TNFSF13B: variants seen among roughly 807,000 people sequenced by gnomAD.
TNFSF13B encodes the protein tumor necrosis factor ligand superfamily member 13B.
Under a neutral mutation model 29.1 loss-of-function variants are expected in TNFSF13B, and 8 were observed. The observed-to-expected ratio is 0.27, with a 90% confidence interval of 0.16 to 0.50. The LOEUF (loss-of-function observed/expected upper bound fraction) is 0.50, where lower values mean the gene tolerates loss of function less well. Among genes scored for constraint, TNFSF13B ranks in the 20% least tolerant of loss-of-function variants. The probability of loss-of-function intolerance (pLI) is 0.98; values close to 1 mark genes in which losing one functional copy is unlikely to be tolerated. For synonymous variants in TNFSF13B, 125 were observed against 130.8 expected, an observed-to-expected ratio of 0.96 and a Z score of 0.30; for missense variants, 248 against 334.9, an observed-to-expected ratio of 0.74 and a Z score of 2.03.
chr13:108,272,431 T>A lies in TNFSF13B; in HGVS notation c.424+2007T>A, dbSNP rs138552608. Among the ~76,000 whole-genome samples, 4 of 152,254 alleles carry A rather than the reference T, an allele frequency of 2.6e-5. No individual in the cohort carries two copies. The East Asian group carries it at 7.7e-4, about 29-fold the overall frequency. On this transcript the variant is annotated intron_variant, in intron 2 of 5. Coordinates refer to ENST00000375887, the MANE Select transcript of TNFSF13B (RefSeq NM_006573.5). ...TTAAAGCTAAAAATACATTTGTTCA[T>A]GTTTTCTTAAGTAGTTGACTCCCTG...
intron 3 of TNFSF13B, among the ~76,000 whole-genome samples, chr13:108,287,887 T>C (rs981267600): frequency 3.3e-5 from 5 of 152,328 alleles, no homozygotes; most frequent in Admixed American, 3.3e-4. Context: ...GAAACAACTT[T>C]TAATGTCATT....
At chr13:108,288,879 T>C (rs541368024) in intron 3 of TNFSF13B, among the ~76,000 whole-genome samples, 42 of 152,258 alleles carry the variant, frequency 2.8e-4, no homozygotes, top group African/African-American at 9.4e-4. Flanking sequence ...AAAACAACAC[T>C]AGCACAGATG....
At chr13:108,277,213 T>G (rs963564670) in intron 2 of TNFSF13B, among the ~76,000 whole-genome samples, 2 of 152,244 alleles carry the variant, frequency 1.3e-5, no homozygotes, top group Non-Finnish European at 2.9e-5. Flanking sequence ...ATGAGAAAGC[T>G]GCAACCCAGA....
intron 2 of TNFSF13B, among the ~76,000 whole-genome samples, 156 bp from the exon 3 acceptor site, chr13:108,286,647 G>A (rs1166503531): frequency 6.6e-6 from 1 of 151,876 alleles, no homozygotes; most frequent in Non-Finnish European, 1.5e-5. Flanking sequence ...AAATCAATGG[G>A]CAAATATAAA....
In TNFSF13B at chr13:108,303,656, G is replaced by A. The variant is rs768158824; in HGVS notation, c.745+52G>A. 12 of 1,547,368 alleles carry A rather than the reference G, an allele frequency of 7.8e-6. No individual in the cohort carries two copies. In the Admixed American group the frequency reaches 8.1e-5, roughly 10 times the overall value. The stretch of plus-strand genomic sequence containing the variant: ...AATTGTGAAATGAAGAGACTTTGAC[G>A]AAAAATCTGAGCTGCAAAATGCAAA... On this transcript the variant is annotated intron_variant, in intron 5 of 5. Coordinates refer to ENST00000375887, the MANE Select transcript of TNFSF13B (RefSeq NM_006573.5).
chr13:108,283,370 A>T (rs1477416715), intron 2 of TNFSF13B, among the ~76,000 whole-genome samples: 1 of 152,236 alleles, frequency 6.6e-6, no homozygotes, highest in African/African-American at 2.4e-5. Flanking sequence ...TTTAAACCTC[A>T]TTATTGAAAC....
At chr13:108,285,829 A>G (rs1475299717) in intron 2 of TNFSF13B, among the ~76,000 whole-genome samples, 1 of 152,202 alleles carries the variant, frequency 6.6e-6, no homozygotes, top group Non-Finnish European at 1.5e-5. Context: ...CTACACTAAT[A>G]TTTTCTTAAT....
Position 108,269,912 on chromosome 13 carries a change from A to C in TNFSF13B, c.17A>C (p.Glu6Ala), listed in dbSNP as rs369349335. 2 of 1,610,434 alleles carry C rather than the reference A, an allele frequency of 1.2e-6. No homozygotes were observed. Among genetic ancestry groups the C allele is most frequent in the East Asian group, 4.5e-5 (2 of 44,870 alleles). Residue 6 changes from glutamate (E) to alanine (A), a missense_variant, in exon 1 of 6, where the codon GAA becomes GCA. By Grantham distance (107) the Glu-to-Ala change is moderately radical. Transcript: ENST00000375887. MDDST[E>A]REQSRLTSCL... is the part of the protein sequence containing the mutation. ...AGTAGTGATATGGATGACTCCACAG[A>C]AAGGGAGCAGTCACGCCTTACTTCT...
chr13:108,285,069 A>T (rs571658286), intron 2 of TNFSF13B, among the ~76,000 whole-genome samples: 1 of 152,194 alleles, frequency 6.6e-6, no homozygotes, highest in Non-Finnish European at 1.5e-5. Flanking sequence ...CTTGTATAAG[A>T]TTAATAAAAG....
chr13:108,280,246 G>A (rs1880899595), intron 2 of TNFSF13B, among the ~76,000 whole-genome samples: 1 of 152,058 alleles, frequency 6.6e-6, no homozygotes, highest in African/African-American at 2.4e-5. Flanking sequence ...GCAGAAATCA[G>A]GAATGTTTAT....
intron 3 of TNFSF13B, among the ~76,000 whole-genome samples, chr13:108,291,531 G>A (rs1245802917): frequency 6.6e-6 from 1 of 151,562 alleles, no homozygotes; most frequent in Non-Finnish European, 1.5e-5. Flanking sequence ...TTTCCAGCTG[G>A]TTGTTCTTTT....
chr13:108,298,264 T>A lies in TNFSF13B; in HGVS notation c.482-4989T>A, dbSNP rs1180833649. ...CTTCCTCTCAGTTTTTCTGTGAATC[T>A]AAAATGGCTCTAAAAATGAAGTTAA... On this transcript the variant is annotated intron_variant, in intron 3 of 5. Transcript: ENST00000375887. 4.1e-5 allele frequency among the ~76,000 whole-genome samples: 6 copies of A among 144,872 alleles called. 1 individual carries two copies. The highest frequency in any genetic ancestry group is 1.5e-5 in the Non-Finnish European group (1 of 65,320).
At chr13:108,281,233 C>G (rs1880945510) in intron 2 of TNFSF13B, among the ~76,000 whole-genome samples, 1 of 151,928 alleles carries the variant, frequency 6.6e-6, no homozygotes, top group Non-Finnish European at 1.5e-5. Context: ...AAGAGTAGAA[C>G]TCTGTCTCAA....
chr13:108,271,025 G>A (rs1880599655), intron 2 of TNFSF13B, among the ~76,000 whole-genome samples: 1 of 151,082 alleles, frequency 6.6e-6, no homozygotes, highest in African/African-American at 2.4e-5. Context: ...CTTTTCCAGG[G>A]GATCCATGCA....
chr13:108,280,910 G>T (rs536411851), intron 2 of TNFSF13B, among the ~76,000 whole-genome samples: 14 of 152,238 alleles, frequency 9.2e-5, no homozygotes, highest in Admixed American at 7.2e-4. Context: ...TTGAGGCCGG[G>T]CGTGGTACCT....
rs144247915 is a variant in TNFSF13B at position 108,300,430 on chromosome 13, A to G, written c.482-2823A>G. ...TTTTTTAAAAGCTCTCTTCCCTCCA[A>G]GCATCAAATGAATATCATTAAACTA... On this transcript the variant is annotated intron_variant, in intron 3 of 5. Transcript: ENST00000375887. Among the ~76,000 whole-genome samples the G allele has an allele frequency of 1.2e-4, 18 of 152,242 alleles. No homozygotes were observed. In the East Asian group the frequency reaches 3.5e-3, roughly 29 times the overall value.
rs78060317 is a variant in TNFSF13B at position 108,282,803 on chromosome 13, G to A, written c.425-4000G>A. 8.5e-3 allele frequency among the ~76,000 whole-genome samples: 1,294 copies of A among 152,022 alleles called. 17 individuals carry two copies. The highest frequency in any genetic ancestry group is 0.03 in the African/African-American group (1,226 of 41,422). Reference sequence around the variant, plus strand: ...TTCAGAAATGTGTCTCCATAGGCTCGGAAGGGTTTTAATGTATATTATTGC... The same window carrying A: ...TTCAGAAATGTGTCTCCATAGGCTCAGAAGGGTTTTAATGTATATTATTGC... On this transcript the variant is annotated intron_variant, in intron 2 of 5. Coordinates refer to ENST00000375887, the MANE Select transcript of TNFSF13B (RefSeq NM_006573.5).
chr13:108,302,636 T>A (rs977520282), intron 3 of TNFSF13B: 4 of 174,324 alleles, frequency 2.3e-5, no homozygotes, highest in African/African-American at 9.6e-5. Flanking sequence ...CCAAGTGACT[T>A]TTGATGGGTA....
rs148768599 is a variant in TNFSF13B at position 108,270,385 on chromosome 13, A to T, written c.385A>T (p.Ser129Cys). 6.2e-7 allele frequency: 1 copy of T among 1,614,146 alleles called. No homozygotes were observed. The highest frequency in any genetic ancestry group is 1.3e-5 in the African/African-American group (1 of 75,050). The stretch of plus-strand genomic sequence containing the variant: ...AGGAGAAGGCAACTCCAGTCAGAAC[A>T]GCAGAAATAAGCGTGCCGTTCAGGG... ...APGEGNSSQNSRNKRAVQGPE... is the reference protein window; with the variant it reads ...APGEGNSSQNCRNKRAVQGPE... The change falls in exon 2 of 6, where the codon AGC becomes TGC. Residue 129 changes from serine (S) to cysteine (C), a missense_variant. This residue lies in a region of TNFSF13B where 186 missense variants were observed against 196.3 expected (regional missense o/e 0.95). Coordinates refer to ENST00000375887, the MANE Select transcript of TNFSF13B (RefSeq NM_006573.5).
Sources: gnomAD v4.1 joint callset for allele counts (sites outside exome capture counted in the v4.1 genomes callset) on GRCh38, gnomAD v4.1.1 for gene constraint, gnomAD v4.1.1 regional missense constraint, MANE v1.5 for transcripts, NCBI Gene and HGNC (gene_info 2026-07-23, HGNC 2026-07-21) for gene names.